C9orf85: variants seen among roughly 807,000 people sequenced by gnomAD.
C9orf85 encodes uncharacterized protein C9orf85.
Under a neutral mutation model 14.9 loss-of-function variants are expected in C9orf85, and 16 were observed. The ratio of observed to expected loss-of-function variants is 1.08; its 90% CI spans 0.73 to 1.63. C9orf85 has a LOEUF of 1.63. Among genes scored for constraint, C9orf85 ranks in the 40% most tolerant of loss-of-function variants. The pLI is 0.00. For missense variants in C9orf85, 172 were observed against 186.1 expected (o/e 0.92, Z 0.44); for synonymous variants, 45 against 56.8 (o/e 0.79, Z 0.93).
chr9:71,970,746 C>G (rs1460409197), intron 2 of C9orf85, among the ~76,000 whole-genome samples: 4 of 151,864 alleles, frequency 2.6e-5, no homozygotes, highest in Non-Finnish European at 5.9e-5. Context: ...AAAAAGCCAG[C>G]TGGAATTTTA....
At chr9:71,950,857 T>C (rs1186371543) in intron 2 of C9orf85, among the ~76,000 whole-genome samples, 5 of 152,214 alleles carry the variant, frequency 3.3e-5, no homozygotes, top group Non-Finnish European at 7.3e-5. Flanking sequence ...AAGTGACATT[T>C]CTTTTAGAAG....
At chr9:71,979,299 G>T (rs1479256380) in intron 3 of C9orf85, among the ~76,000 whole-genome samples, 1 of 152,166 alleles carries the variant, frequency 6.6e-6, no homozygotes, top group African/African-American at 2.4e-5. Flanking sequence ...TTTGAAAAAT[G>T]AGGGCTGTAA....
At chr9:71,958,340 G>A (rs752863249) in intron 2 of C9orf85, among the ~76,000 whole-genome samples, 84 of 149,508 alleles carry the variant, frequency 5.6e-4, no homozygotes, top group Non-Finnish European at 1.1e-3. Context: ...TCTGCTCACC[G>A]CAACCTCTGC....
intron 2 of C9orf85, among the ~76,000 whole-genome samples, chr9:71,956,244 T>G (rs1472452693): frequency 1.2e-3 from 3 of 2,586 alleles, no homozygotes; most frequent in Admixed American, 8.3e-3. Flanking sequence ...ATGCAAAAGT[T>G]TTTTTTTTTT....
chr9:71,970,742 C>G (rs1822837010), intron 2 of C9orf85, among the ~76,000 whole-genome samples: 1 of 152,028 alleles, frequency 6.6e-6, no homozygotes, highest in South Asian at 2.1e-4. Flanking sequence ...GCAAAAAAAG[C>G]CAGCTGGAAT....
intron 1 of C9orf85, among the ~76,000 whole-genome samples, chr9:71,932,365 G>A (rs1442100428): frequency 6.6e-6 from 1 of 152,084 alleles, no homozygotes; most frequent in African/African-American, 2.4e-5. Flanking sequence ...TTAACTGTAG[G>A]TTGTCAAAGT....
intron 1 of C9orf85, among the ~76,000 whole-genome samples, chr9:71,944,895 C>T (rs992782437): frequency 1.9e-4 from 29 of 152,152 alleles, no homozygotes; most frequent in Admixed American, 9.8e-4. Context: ...TACTGCTTCA[C>T]ACATCACTCA....
At chr9:71,960,345 G>A (rs188133530) in intron 2 of C9orf85, among the ~76,000 whole-genome samples, 84 of 151,990 alleles carry the variant, frequency 5.5e-4, no homozygotes, top group Non-Finnish European at 8.4e-4. Flanking sequence ...ATTTGCTCTT[G>A]TTACTTTTTC....
chr9:71,962,562 T>C (rs758313678), intron 2 of C9orf85, among the ~76,000 whole-genome samples: 104 of 152,336 alleles, frequency 6.8e-4, no homozygotes, highest in Non-Finnish European at 1.3e-3. Context: ...AGCTAAATTA[T>C]GTTAAAGGTT....
chr9:71,971,133 T>C (rs1000153171), intron 2 of C9orf85, among the ~76,000 whole-genome samples: 2 of 152,254 alleles, frequency 1.3e-5, no homozygotes, highest in Admixed American at 1.3e-4. Flanking sequence ...AGTGATGTTT[T>C]GTAATTTTCA....
chr9:71,955,338 GT>G (rs1262545136), intron 2 of C9orf85, among the ~76,000 whole-genome samples: 1 of 152,102 alleles, frequency 6.6e-6, no homozygotes, highest in Non-Finnish European at 1.5e-5. Context: ...ATTTAACAGA[GT>G]TTAATTGAGC....
In C9orf85 at chr9:71,932,609, C is replaced by T. The variant is rs569714244; in HGVS notation, c.103-14397C>T. On this transcript the variant is annotated intron_variant, in intron 1 of 3. Transcript: ENST00000334731. ...CATTTCATCTTTATGAGACAATCTA[C>T]GATAATAAAAAACAAAACAAAAAGA... is the stretch of plus-strand genomic sequence containing the variant. 4.9e-4 allele frequency among the ~76,000 whole-genome samples: 74 copies of T among 151,672 alleles called. 2 individuals carry two copies. The highest frequency in any genetic ancestry group is 1.0e-4 in the Non-Finnish European group (7 of 67,938).
At chr9:71,924,658 G>T (rs779341336) in intron 1 of C9orf85, among the ~76,000 whole-genome samples, 1 of 152,112 alleles carries the variant, frequency 6.6e-6, no homozygotes, top group Non-Finnish European at 1.5e-5. Flanking sequence ...GTTGTTCTGA[G>T]AATATTTATA....
intron 1 of C9orf85, among the ~76,000 whole-genome samples, chr9:71,940,309 A>G (rs115217318): frequency 6.2e-4 from 95 of 152,230 alleles, no homozygotes; most frequent in African/African-American, 2.3e-3. Context: ...TGGTTTATGC[A>G]TGCAATCCCA....
chr9:71,983,212 T>G (rs985397511), exon 4 of C9orf85: 16 of 152,564 alleles, frequency 1.0e-4, no homozygotes, highest in African/African-American at 3.9e-4. Context: ...GCCAGGATGG[T>G]CTCCATCTAC....
At chr9:71,944,353 T>G (rs1822027457) in intron 1 of C9orf85, among the ~76,000 whole-genome samples, 1 of 152,174 alleles carries the variant, frequency 6.6e-6, no homozygotes, top group Non-Finnish European at 1.5e-5. Flanking sequence ...AAGTATTCAT[T>G]TGATAAGTAA....
chr9:71,958,763 G>C (rs1822440572), intron 2 of C9orf85, among the ~76,000 whole-genome samples: 1 of 151,948 alleles, frequency 6.6e-6, no homozygotes, highest in Non-Finnish European at 1.5e-5. Context: ...CTGAGAGCAG[G>C]ACACCTTTAA....
downstream of C9orf85, chr9:71,985,806 C>T (rs148192551): frequency 9.1e-4 from 138 of 152,326 alleles, no homozygotes; most frequent in African/African-American, 3.2e-3. Flanking sequence ...TCTCAAGCCA[C>T]TAGGTGTTGC....
downstream of C9orf85, chr9:71,985,269 G>A (rs377767321): frequency 6.6e-6 from 1 of 152,226 alleles, no homozygotes; most frequent in East Asian, 1.9e-4. Flanking sequence ...TGAGAGGAAA[G>A]TAATTGTGAG....
Sources: gnomAD v4.1 joint callset for allele counts (sites outside exome capture counted in the v4.1 genomes callset) on GRCh38, gnomAD v4.1.1 for gene constraint, MANE v1.5 for transcripts, NCBI Gene and HGNC (gene_info 2026-07-23, HGNC 2026-07-21) for gene names.